Variants in SPRYD4 observed in about 807,000 individuals in gnomAD.
SPRYD4 encodes the protein SPRY domain containing 4, also known as SPRY domain-containing protein 4.
A neutral mutation model predicts 16.6 loss-of-function variants in SPRYD4; 12 were observed. That is an observed-to-expected ratio of 0.72 (90% CI 0.46 to 1.17). The LOEUF (loss-of-function observed/expected upper bound fraction) is 1.17, where lower values mean the gene tolerates loss of function less well. SPRYD4 is among the 50% of genes most tolerant of loss of function. SPRYD4 has a pLI of 0.00. For synonymous variants in SPRYD4, 98 were observed against 105.4 expected (o/e 0.93, Z 0.43); for missense variants, 260 against 260.2 (o/e 1.00, Z 0.00).
intron 1 of SPRYD4, 164 bp downstream of exon 1, chr12:56,468,840 C>A: frequency 9.7e-7 from 1 of 1,029,132 alleles, no homozygotes; most frequent in Non-Finnish European, 1.4e-6. Flanking sequence ...TCTTTAAATT[C>A]CGGGACTTAC....
intron 1 of SPRYD4, 57 bp from the exon 2 acceptor site, chr12:56,468,982 C>T: frequency 6.6e-7 from 1 of 1,507,834 alleles, no homozygotes; most frequent in South Asian, 1.3e-5. Flanking sequence ...CTGAATATAT[C>T]ACCAGCCCTA....
chr12:56,469,147 C>T lies in SPRYD4; in HGVS notation c.194C>T (p.Ala65Val). The change falls in exon 2 of 2, where the codon GCC becomes GTC. Residue 65 changes from alanine to valine, a missense_variant. Physicochemically the swap from Ala to Val is moderately conservative, Grantham distance 64. Transcript: ENST00000338146. ...GTGGGATTGGAGCCCACCAAGGTGGCCTTGAATGTGGAGCGCTTCCGGGAG... is the reference window on the plus strand; with the variant it reads ...GTGGGATTGGAGCCCACCAAGGTGGTCTTGAATGTGGAGCGCTTCCGGGAG... ...GLVGLEPTKV[A>V]LNVERFREWA... 1 of 1,614,014 alleles carries T rather than the reference C, an allele frequency of 6.2e-7. No individual in the cohort carries two copies. Among genetic ancestry groups the T allele is most frequent in the East Asian group, 2.2e-5 (1 of 44,884 alleles).
Position 56,477,604 on chromosome 12 carries a change from C to A in SPRYD4, c.*8027C>A. 6.5e-7 allele frequency: 1 copy of A among 1,532,798 alleles called. No individual in the cohort carries two copies. The highest frequency in any genetic ancestry group is 8.9e-7 in the Non-Finnish European group (1 of 1,118,596). 94.9% of individuals were successfully genotyped at this position (1,532,798 alleles called of 1,614,324 possible). A position where few individuals can be genotyped will look rare whatever the true frequency, so the allele number is the denominator to read the frequency against. On this transcript the variant is annotated 3_prime_UTR_variant, in exon 2 of 2. Coordinates refer to ENST00000338146, the MANE Select transcript of SPRYD4 (RefSeq NM_207344.4). ...GAGAGCTGAACAAATATGAGGGATA[C>A]AGGAACACAGGAGCTTAGAGGATAA...
At position 56,475,053 on chromosome 12, in the gene SPRYD4, C is replaced by T. The variant is rs201001970; in HGVS notation, c.*5476C>T. 1.9e-6 allele frequency: 3 copies of T among 1,614,116 alleles called. No homozygotes were observed. In the East Asian group the frequency reaches 6.7e-5, roughly 36 times the overall value. On this transcript the variant is annotated 3_prime_UTR_variant, in exon 2 of 2. Coordinates refer to ENST00000338146, the MANE Select transcript of SPRYD4 (RefSeq NM_207344.4). ...GGCCTCTTCTGGTTACCTTCTTTTCCTTGAGATAATAGCCGATGGCATAAT... is the reference window on the plus strand; with the variant it reads ...GGCCTCTTCTGGTTACCTTCTTTTCTTTGAGATAATAGCCGATGGCATAAT...
In SPRYD4 at chr12:56,468,624, G is replaced by C. The variant is rs764503222; in HGVS notation, c.33G>C (p.Leu11Phe). 1 of 1,613,994 alleles carries C rather than the reference G, an allele frequency of 6.2e-7. No individual in the cohort carries two copies. The highest frequency in any genetic ancestry group is 8.5e-7 in the Non-Finnish European group (1 of 1,180,002). Residue 11 changes from leucine to phenylalanine, a missense_variant, in exon 1 of 2, where the codon TTG becomes TTC. By Grantham distance (22) the Leu-to-Phe change is conservative. Coordinates refer to ENST00000338146, the MANE Select transcript of SPRYD4 (RefSeq NM_207344.4). ...TGCTTTTTGCACGTTCTTTGCGCTT[G>C]TGCCGCTGGGGAGCCAAACGATTGG... MALLFARSLR[L>F]CRWGAKRLGV...
chr12:56,476,589 A>G lies in SPRYD4; in HGVS notation c.*7012A>G, dbSNP rs1869837010. 1 of 145,248 alleles carries G rather than the reference A, an allele frequency of 6.9e-6. No individual in the cohort carries two copies. Among genetic ancestry groups the G allele is most frequent in the African/African-American group, 2.6e-5 (1 of 38,720 alleles). The allele number at this position is 145,248 out of a possible 1,614,324, so 9.0% of individuals were successfully genotyped here. A position where few individuals can be genotyped will look rare whatever the true frequency, so the allele number is the denominator to read the frequency against. On this transcript the variant is annotated 3_prime_UTR_variant, in exon 2 of 2. Coordinates refer to ENST00000338146, the MANE Select transcript of SPRYD4 (RefSeq NM_207344.4). ...GGCAACATAGGAGAGACCCTGCCTCAATTTTTTTTTTTTTTTTTTTTTGAG... is the reference window on the plus strand; with the variant it reads ...GGCAACATAGGAGAGACCCTGCCTCGATTTTTTTTTTTTTTTTTTTTTGAG...
Position 56,478,089 on chromosome 12 carries a change from C to T in SPRYD4, c.*8512C>T. 1 of 1,614,020 alleles carries T rather than the reference C, an allele frequency of 6.2e-7. No homozygotes were observed. Among genetic ancestry groups the T allele is most frequent in the Non-Finnish European group, 8.5e-7 (1 of 1,179,920 alleles). On this transcript the variant is annotated 3_prime_UTR_variant, in exon 2 of 2. Coordinates refer to ENST00000338146, the MANE Select transcript of SPRYD4 (RefSeq NM_207344.4). ...CAGAAGGGGATCTTTGTGTGGCCCA[C>T]AGAGTGCCTGGAGGCAGACAGATGC...
rs1869750796 is a variant in SPRYD4, at chr12:56,475,757, C to G, written c.*6180C>G. On this transcript the variant is annotated 3_prime_UTR_variant, in exon 2 of 2. Coordinates refer to ENST00000338146, the MANE Select transcript of SPRYD4 (RefSeq NM_207344.4). ...TTAATACCTCACAGGTTGACTAGCC[C>G]TTCTGAACTCAGGTCTTGTCAAGAG... 6.5e-7 allele frequency: 1 copy of G among 1,527,280 alleles called. No homozygotes were observed. The highest frequency in any genetic ancestry group is 9.1e-7 in the Non-Finnish European group (1 of 1,102,982). 94.6% of individuals were successfully genotyped at this position (1,527,280 alleles called of 1,614,324 possible).
Position 56,478,548 on chromosome 12 carries a change from C to G in SPRYD4, c.*8971C>G, listed in dbSNP as rs1032478082. The G allele has an allele frequency of 4.8e-6, 2 of 414,930 alleles. No individual in the cohort carries two copies. The highest frequency in any genetic ancestry group is 7.7e-5 in the Admixed American group (2 of 25,944). The allele number at this position is 414,930 out of a possible 1,614,324, so 25.7% of individuals were successfully genotyped here. ...CTTTTGGTTCTTAGGCTCAGTTACC[C>G]TATAAATCCCTTTGAAGGCTCTATT... On this transcript the variant is annotated 3_prime_UTR_variant, in exon 2 of 2. Coordinates refer to ENST00000338146, the MANE Select transcript of SPRYD4 (RefSeq NM_207344.4).
chr12:56,477,512 G>T lies in SPRYD4; in HGVS notation c.*7935G>T. 1.4e-6 allele frequency: 1 copy of T among 715,028 alleles called. No individual in the cohort carries two copies. Among genetic ancestry groups the T allele is most frequent in the Non-Finnish European group, 2.4e-6 (1 of 415,346 alleles). The allele number at this position is 715,028 out of a possible 1,614,324, so 44.3% of individuals were successfully genotyped here. ...CTGACATTGTCAGCATAACATGTGG[G>T]TCCCTGCTGTGCCTCATGTGCCTTC... On this transcript the variant is annotated 3_prime_UTR_variant, in exon 2 of 2. Coordinates refer to ENST00000338146, the MANE Select transcript of SPRYD4 (RefSeq NM_207344.4).
At position 56,472,346 on chromosome 12, in the gene SPRYD4, TC is replaced by T; in HGVS notation, c.*2771del. 1.5e-6 allele frequency: 1 copy of T among 667,882 alleles called. No homozygotes were observed. The highest frequency in any genetic ancestry group is 2.6e-6 in the Non-Finnish European group (1 of 383,888). 41.4% of individuals were successfully genotyped at this position (667,882 alleles called of 1,614,324 possible). On this transcript the variant is annotated 3_prime_UTR_variant, in exon 2 of 2. Transcript: ENST00000338146. Reference sequence around the variant, plus strand: ...GGCTCTGAATAATCTTTTTTCCATATCCAGATGAGACTGTTATACTCATATT... The same window carrying T: ...GGCTCTGAATAATCTTTTTTCCATATCAGATGAGACTGTTATACTCATATT...
chr12:56,472,147 G>A lies in SPRYD4; in HGVS notation c.*2570G>A, dbSNP rs774567560. On this transcript the variant is annotated 3_prime_UTR_variant, in exon 2 of 2. Coordinates refer to ENST00000338146, the MANE Select transcript of SPRYD4 (RefSeq NM_207344.4). ...CAGCTGCAGCAACATGCAGAGCTGT[G>A]CGCGAGTCATAGTCTTTCTGTTCCA... is the stretch of plus-strand genomic sequence containing the variant. 1.9e-6 allele frequency: 3 copies of A among 1,614,010 alleles called. No individual in the cohort carries two copies. The highest frequency in any genetic ancestry group is 1.3e-5 in the African/African-American group (1 of 74,892).
In SPRYD4 at chr12:56,469,079, C is replaced by T. The variant is rs371913245; in HGVS notation, c.126C>T (p.Ser42=). 2.5e-6 allele frequency: 4 copies of T among 1,600,090 alleles called. No homozygotes were observed. In the East Asian group the frequency reaches 9.0e-5, roughly 36 times the overall value. Residue 42 remains serine (S), a synonymous_variant, in exon 2 of 2, where the codon AGC becomes AGT. Coordinates refer to ENST00000338146, the MANE Select transcript of SPRYD4 (RefSeq NM_207344.4). ...TGGAAGAAAAAACCGCCCACAGCAG[C>T]CTGGCACTCTTCAGAGATGATACGG... ...FKLEEKTAHS[S]LALFRDDTGV...
At position 56,476,318 on chromosome 12, in the gene SPRYD4, T is replaced by C. The variant is rs964831005; in HGVS notation, c.*6741T>C. 3 of 297,994 alleles carry C rather than the reference T, an allele frequency of 1.0e-5. No individual in the cohort carries two copies. Among genetic ancestry groups the C allele is most frequent in the African/African-American group, 6.7e-5 (3 of 45,078 alleles). 18.5% of individuals were successfully genotyped at this position (297,994 alleles called of 1,614,324 possible). ...CTCGGATTACAGGCATGAGCCAGCTTGCTGGGCCATCCCACTTCCATTCTC... is the reference window on the plus strand; with the variant it reads ...CTCGGATTACAGGCATGAGCCAGCTCGCTGGGCCATCCCACTTCCATTCTC... On this transcript the variant is annotated 3_prime_UTR_variant, in exon 2 of 2. Coordinates refer to ENST00000338146, the MANE Select transcript of SPRYD4 (RefSeq NM_207344.4).
At position 56,478,095 on chromosome 12, in the gene SPRYD4, G is replaced by A; in HGVS notation, c.*8518G>A. 6.2e-7 allele frequency: 1 copy of A among 1,614,036 alleles called. No homozygotes were observed. The highest frequency in any genetic ancestry group is 8.5e-7 in the Non-Finnish European group (1 of 1,179,912). On this transcript the variant is annotated 3_prime_UTR_variant, in exon 2 of 2. Transcript: ENST00000338146. ...GGGATCTTTGTGTGGCCCACAGAGT[G>A]CCTGGAGGCAGACAGATGCCATGAA...
chr12:56,475,671 A>C lies in SPRYD4; in HGVS notation c.*6094A>C. On this transcript the variant is annotated 3_prime_UTR_variant, in exon 2 of 2. Coordinates refer to ENST00000338146, the MANE Select transcript of SPRYD4 (RefSeq NM_207344.4). ...ATTCATTCCCAGCCATTTTGTTGAG[A>C]TACTGCAACACCTGGAAGAGAAAAA... The C allele has an allele frequency of 6.2e-7, 1 of 1,614,184 alleles. No individual in the cohort carries two copies. Among genetic ancestry groups the C allele is most frequent in the Non-Finnish European group, 8.5e-7 (1 of 1,180,044 alleles).
rs1869882635 is a variant in SPRYD4, at chr12:56,476,952, T to C, written c.*7375T>C. 1 of 152,202 alleles carries C rather than the reference T, an allele frequency of 6.6e-6. No homozygotes were observed. Among genetic ancestry groups the C allele is most frequent in the Non-Finnish European group, 1.5e-5 (1 of 68,062 alleles). 9.4% of individuals were successfully genotyped at this position (152,202 alleles called of 1,614,324 possible). ...GGAATGGGATGAGGCAGGTCCCAGA[T>C]ACAGGTTTGTAGATGGAGCCATCAC... On this transcript the variant is annotated 3_prime_UTR_variant, in exon 2 of 2. Transcript: ENST00000338146.
Position 56,474,468 on chromosome 12 carries a change from C to CT in SPRYD4, c.*4892dup. ...GAGAGGCAGGAACAAGCTTCCACCT[C>CT]TATCTTGAGAGAGTCAGTGTTCTCT... On this transcript the variant is annotated 3_prime_UTR_variant, in exon 2 of 2. Transcript: ENST00000338146. The CT allele has an allele frequency of 6.4e-7, 1 of 1,572,764 alleles. No individual in the cohort carries two copies. The highest frequency in any genetic ancestry group is 8.6e-7 in the Non-Finnish European group (1 of 1,156,422).
rs533187243 is a variant in SPRYD4, at chr12:56,478,404, C to T, written c.*8827C>T. On this transcript the variant is annotated 3_prime_UTR_variant, in exon 2 of 2. Coordinates refer to ENST00000338146, the MANE Select transcript of SPRYD4 (RefSeq NM_207344.4). Reference sequence around the variant, plus strand: ...GAGGGGTTCCCTCCTGCCTGTTGCTCCCAGAAATGCCCGAGCCTTAAGTCC... The same window carrying T: ...GAGGGGTTCCCTCCTGCCTGTTGCTTCCAGAAATGCCCGAGCCTTAAGTCC... 14 of 762,680 alleles carry T rather than the reference C, an allele frequency of 1.8e-5. No homozygotes were observed. Among genetic ancestry groups the T allele is most frequent in the Non-Finnish European group, 2.8e-5 (13 of 464,398 alleles). The allele number at this position is 762,680 out of a possible 1,614,324, so 47.2% of individuals were successfully genotyped here. A position where few individuals can be genotyped will look rare whatever the true frequency, so the allele number is the denominator to read the frequency against.
Sources: allele counts gnomAD v4.1 joint callset, GRCh38; gene constraint gnomAD v4.1.1; transcripts MANE v1.5; gene names NCBI Gene and HGNC (gene_info 2026-07-23, HGNC 2026-07-21).